MAGI1: variants seen among roughly 807,000 people sequenced by gnomAD.
The protein encoded by MAGI1 is membrane-associated guanylate kinase, WW and PDZ domain-containing protein 1.
MAGI1 carries 58 observed loss-of-function variants against 139.9 expected under a neutral mutation model. The ratio of observed to expected loss-of-function variants is 0.41; its 90% CI spans 0.34 to 0.52. The LOEUF (loss-of-function observed/expected upper bound fraction) is 0.52, where lower values mean the gene tolerates loss of function less well. Ranked by LOEUF, MAGI1 falls within the 20% of genes least tolerant of loss-of-function variation. MAGI1 has a pLI of 0.12. For synonymous variants in MAGI1, 812 were observed against 737.9 expected (o/e 1.10, Z -1.63); for missense variants, 1,874 against 1,901.6 (o/e 0.99, Z 0.27).
chr3:65,358,953 AC>A (rs1388045586), intron 22 of MAGI1: 3 of 973,088 alleles, frequency 3.1e-6, no homozygotes, highest in Non-Finnish European at 4.9e-6. Context: ...AATTCAAAGA[AC>A]GCAGGGTGCT....
chr3:66,025,577 C>T (rs2068211700), intron 1 of MAGI1, among the ~76,000 whole-genome samples: 2 of 152,090 alleles, frequency 1.3e-5, no homozygotes, highest in South Asian at 4.2e-4. Flanking sequence ...AAAAAAAGTC[C>T]ATGATATGCT....
intron 2 of MAGI1, among the ~76,000 whole-genome samples, chr3:65,578,923 A>AAGAGAG (rs139290080): frequency 2.7e-5 from 4 of 145,656 alleles, no homozygotes; most frequent in Admixed American, 1.4e-4. Flanking sequence ...TCTGTCTCCA[A>AAGAGAG]AGAGAGAGAG....
At chr3:65,489,725 C>A (rs1222311871) in intron 3 of MAGI1, among the ~76,000 whole-genome samples, 1 of 152,138 alleles carries the variant, frequency 6.6e-6, no homozygotes, top group Non-Finnish European at 1.5e-5. Context: ...ACGGCAATAA[C>A]AGAGTGAAGT....
Position 65,429,874 on chromosome 3 carries a change from T to A in MAGI1, c.1813A>T (p.Met605Leu). The change falls in exon 12 of 23, where the codon ATG (methionine) becomes TTG (leucine). Residue 605 changes from methionine (M) to leucine (L), a missense_variant. Transcript: ENST00000402939. ...HSSKTGKVNG[M>L]KDARPSSPAD... ...GGGCTGCTTGGCCTGGCATCCTTCA[T>A]GCCATTGACTTTGCCTGTTTTACTA... The A allele has an allele frequency of 1.2e-6, 2 of 1,614,048 alleles. No homozygotes were observed. Among genetic ancestry groups the A allele is most frequent in the Non-Finnish European group, 1.7e-6 (2 of 1,179,968 alleles).
At chr3:65,882,992 G>A (rs1334177406) in intron 1 of MAGI1, among the ~76,000 whole-genome samples, 1 of 150,250 alleles carries the variant, frequency 6.7e-6, no homozygotes, top group African/African-American at 2.4e-5. Context: ...GGAAGAGAAA[G>A]GACAAGTTGA....
intron 1 of MAGI1, among the ~76,000 whole-genome samples, chr3:65,872,382 C>T (rs150828355): frequency 6.6e-6 from 1 of 152,340 alleles, no homozygotes; most frequent in East Asian, 1.9e-4. Flanking sequence ...CCACTGTCTT[C>T]CCTTTCTTTA....
intron 1 of MAGI1, among the ~76,000 whole-genome samples, chr3:65,807,573 T>A (rs56282484): frequency 0.23 from 34,939 of 152,026 alleles, 4,311 homozygotes; most frequent in East Asian, 0.4. Context: ...TACAAGTTCA[T>A]AATTTTAACT....
chr3:65,442,203 C>T (rs1467607326), intron 8 of MAGI1, among the ~76,000 whole-genome samples: 6 of 151,356 alleles, frequency 4.0e-5, no homozygotes, highest in Non-Finnish European at 7.4e-5. Flanking sequence ...AGTAAAGTCA[C>T]GAGGGTTTTA....
intron 1 of MAGI1, among the ~76,000 whole-genome samples, chr3:65,900,508 T>C (rs1207159771): frequency 6.6e-6 from 1 of 152,228 alleles, no homozygotes; most frequent in Non-Finnish European, 1.5e-5. Flanking sequence ...AATATACTAG[T>C]ACAGAATTAC....
rs1252619685 is a variant in MAGI1, at chr3:65,355,902, C to T, written c.*476G>A. 6.5e-6 allele frequency: 1 copy of T among 152,894 alleles called. No individual in the cohort carries two copies. The highest frequency in any genetic ancestry group is 2.4e-5 in the African/African-American group (1 of 41,462). 9.5% of individuals were successfully genotyped at this position (152,894 alleles called of 1,614,324 possible). A position where few individuals can be genotyped will look rare whatever the true frequency, so the allele number is the denominator to read the frequency against. On this transcript the variant is annotated 3_prime_UTR_variant, in exon 23 of 23. Transcript: ENST00000402939. ...CTCAGCTTTTACAAATAAAACTTTG[C>T]ATTTTTGCTCTTTGCTTTTAAGAAA... is the stretch of plus-strand genomic sequence containing the variant.
intron 1 of MAGI1, among the ~76,000 whole-genome samples, chr3:66,006,627 A>G (rs965330044): frequency 2.0e-5 from 3 of 152,298 alleles, no homozygotes; most frequent in Middle Eastern, 3.4e-3. Context: ...ATCCTATGGT[A>G]CCAGAACTTT....
At chr3:65,490,014 G>C (rs1951892036) in intron 3 of MAGI1, among the ~76,000 whole-genome samples, 1 of 152,214 alleles carries the variant, frequency 6.6e-6, no homozygotes, top group Non-Finnish European at 1.5e-5. Flanking sequence ...GGGGAAAAAA[G>C]ATGGTGAGTA....
chr3:65,947,938 CTTTTTTTTTTTT>C (rs763826259), intron 1 of MAGI1, among the ~76,000 whole-genome samples: 1 of 127,876 alleles, frequency 7.8e-6, no homozygotes. Flanking sequence ...ATATCTTTCT[CTTTTTTTTTTTT>C]TTTTTTTTTG....
intron 20 of MAGI1, among the ~76,000 whole-genome samples, chr3:65,364,388 T>C (rs1250970940): frequency 1.3e-5 from 2 of 152,066 alleles, no homozygotes; most frequent in African/African-American, 2.4e-5. Context: ...TATGAGTAGA[T>C]ATTGGTTGCT....
chr3:65,529,386 T>C (rs1002152196), intron 2 of MAGI1, among the ~76,000 whole-genome samples: 1 of 152,168 alleles, frequency 6.6e-6, no homozygotes, highest in Non-Finnish European at 1.5e-5. Context: ...CTCCCCCAAG[T>C]TCCTGGCAAC....
chr3:65,914,047 A>G (rs1180320471), intron 1 of MAGI1: 2 of 152,202 alleles, frequency 1.3e-5, no homozygotes, highest in East Asian at 3.9e-4. Context: ...TTTCTCCCCT[A>G]ATGCTTATTA....
chr3:65,498,272 C>G (rs1952590314), intron 2 of MAGI1, among the ~76,000 whole-genome samples: 1 of 130,558 alleles, frequency 7.7e-6, no homozygotes, highest in South Asian at 3.0e-4. Flanking sequence ...GGACAGCGTA[C>G]TAATATAAAA....
chr3:66,025,252 T>C (rs910567939), intron 1 of MAGI1, among the ~76,000 whole-genome samples: 2 of 152,198 alleles, frequency 1.3e-5, no homozygotes, highest in Non-Finnish European at 2.9e-5. Context: ...TTAAAGTCCA[T>C]GATTGGCCAG....
intron 1 of MAGI1, among the ~76,000 whole-genome samples, chr3:66,016,198 T>C (rs2067627558): frequency 6.6e-6 from 1 of 152,200 alleles, no homozygotes; most frequent in Admixed American, 6.5e-5. Flanking sequence ...GTAATAACTA[T>C]CAGTCATTCA....
Sources: gnomAD v4.1 joint callset for allele counts (sites outside exome capture counted in the v4.1 genomes callset) on GRCh38, gnomAD v4.1.1 for gene constraint, MANE v1.5 for transcripts, NCBI Gene and HGNC (gene_info 2026-07-23, HGNC 2026-07-21) for gene names.